STMND1: variants seen among roughly 807,000 people sequenced by gnomAD.
STMND1 encodes stathmin domain-containing protein 1.
In STMND1, 17 loss-of-function variants were observed where a neutral mutation model predicts 23.0. The observed-to-expected ratio is 0.74, with a 90% CI of 0.51 to 1.11. STMND1 has a LOEUF of 1.11. STMND1 is among the 50% of genes least tolerant of loss of function. The pLI, the probability that STMND1 is intolerant of heterozygous loss-of-function variation, is 0.00. For synonymous variants in STMND1, 114 were observed against 119.9 expected (o/e 0.95, Z 0.32); for missense variants, 305 against 329.1 (o/e 0.93, Z 0.57).
chr6:17,120,255 T>C (rs1761213914), intron 2 of STMND1, among the ~76,000 whole-genome samples: 1 of 152,200 alleles, frequency 6.6e-6, no homozygotes, highest in South Asian at 2.1e-4. Flanking sequence ...ATCTGATTCT[T>C]AGCTGTGGTT....
chr6:17,126,619 C>A (rs960408642), intron 3 of STMND1, among the ~76,000 whole-genome samples: 1 of 152,088 alleles, frequency 6.6e-6, no homozygotes, highest in Non-Finnish European at 1.5e-5. Context: ...GTTGAGCCAC[C>A]GTAGCAAGTA....
chr6:17,128,489 A>G (rs1761337604), intron 3 of STMND1: 1 of 152,084 alleles, frequency 6.6e-6, no homozygotes, highest in East Asian at 1.9e-4. Context: ...CCCATTCTCC[A>G]CTGCTTTTCA....
intron 4 of STMND1, among the ~76,000 whole-genome samples, chr6:17,129,768 C>T (rs55933828): frequency 0.23 from 34,299 of 151,324 alleles, 4,256 homozygotes; most frequent in Middle Eastern, 0.32. Context: ...GGCGTGAACC[C>T]GGGAGGCAGA....
intron 3 of STMND1, among the ~76,000 whole-genome samples, chr6:17,122,326 C>T (rs547893952): frequency 6.2e-4 from 83 of 134,276 alleles, no homozygotes; most frequent in African/African-American, 2.1e-3. Flanking sequence ...AGAGAGAAAG[C>T]GAAAAAAAAA....
chr6:17,116,699 C>T (rs893692806), intron 2 of STMND1, among the ~76,000 whole-genome samples: 33 of 152,240 alleles, frequency 2.2e-4, no homozygotes, highest in African/African-American at 5.8e-4. Flanking sequence ...CTCAGCCTCC[C>T]AAAGTGTTGA....
At chr6:17,122,209 G>A (rs1489262963) in intron 3 of STMND1, among the ~76,000 whole-genome samples, 1 of 152,052 alleles carries the variant, frequency 6.6e-6, no homozygotes, top group Non-Finnish European at 1.5e-5. Context: ...GAAGAAGATA[G>A]CAGACTTAGG....
rs545515329 is a variant in STMND1, at chr6:17,114,546, G to A, written c.82-416G>A. 1.2e-4 allele frequency among the ~76,000 whole-genome samples: 19 copies of A among 152,346 alleles called. No homozygotes were observed. In the South Asian group the frequency reaches 2.5e-3, roughly 20 times the overall value. On this transcript the variant is annotated intron_variant, in intron 1 of 4. Transcript: ENST00000536551. ...CTCCCAAAGTGCTGGGATTACAGGC[G>A]TGAGCCACTGCGCCCGGCCACATTA...
At chr6:17,128,947 A>AG in intron 3 of STMND1, 165 bp from the exon 4 acceptor site, 1 of 550,626 alleles carries the variant, frequency 1.8e-6, no homozygotes, top group Admixed American at 3.5e-5. Flanking sequence ...TCCGGAGCTC[A>AG]AGCAGTCTTC....
At chr6:17,124,513 C>T (rs888798256) in intron 3 of STMND1, among the ~76,000 whole-genome samples, 2 of 152,178 alleles carry the variant, frequency 1.3e-5, no homozygotes, top group Non-Finnish European at 2.9e-5. Flanking sequence ...TCTTCCGAAT[C>T]GGGGGCATCC....
At chr6:17,102,369 A>G (rs2147230) in intron 1 of STMND1, 31 bp downstream of exon 1, 690,404 of 1,506,338 alleles carry the variant, frequency 0.46, 157,119 homozygotes, top group East Asian at 0.64. Context: ...CAAACAAACA[A>G]ACAGACAGAA....
At chr6:17,128,467 T>G (rs534364161) in intron 3 of STMND1, 1 of 152,396 alleles carries the variant, frequency 6.6e-6, no homozygotes, top group East Asian at 1.9e-4. Flanking sequence ...CACCTTAAAC[T>G]ACAAATTCAC....
chr6:17,115,372 T>TAAAAAAAAAAAA (rs75171969), intron 2 of STMND1, among the ~76,000 whole-genome samples: 1 of 116,096 alleles, frequency 8.6e-6, no homozygotes, highest in Non-Finnish European at 1.8e-5. Flanking sequence ...GGACCATCTT[T>TAAAAAAAAAAAA]AAAAAAAAAA....
intron 3 of STMND1, chr6:17,128,532 A>G (rs1381607201): frequency 1.3e-5 from 2 of 152,188 alleles, no homozygotes; most frequent in Non-Finnish European, 2.9e-5. Flanking sequence ...TTTTCCTTCT[A>G]AGGGTTCATC....
chr6:17,126,129 G>T (rs1581374482), intron 3 of STMND1, among the ~76,000 whole-genome samples: 2 of 125,962 alleles, frequency 1.6e-5, no homozygotes, highest in East Asian at 4.9e-4. Context: ...CATTGCCCAG[G>T]CTGGTCTTGA....
intron 1 of STMND1, among the ~76,000 whole-genome samples, chr6:17,108,696 C>CTTTTTTT (rs10653504): frequency 2.9e-5 from 4 of 138,746 alleles, no homozygotes; most frequent in Admixed American, 7.4e-5. Context: ...TTTTCTTTTT[C>CTTTTTTT]TTTTTTTTTT....
chr6:17,121,413 A>G (rs1473545069), intron 3 of STMND1, among the ~76,000 whole-genome samples: 1 of 152,086 alleles, frequency 6.6e-6, no homozygotes. Context: ...TCTTTTGACA[A>G]TTTTTCTTGA....
chr6:17,113,950 C>G (rs970164659), intron 1 of STMND1, among the ~76,000 whole-genome samples: 1 of 152,162 alleles, frequency 6.6e-6, no homozygotes, highest in Non-Finnish European at 1.5e-5. Flanking sequence ...TTTTCTACTG[C>G]TGCTATAGCC....
At chr6:17,116,978 G>A (rs942408915) in intron 2 of STMND1, among the ~76,000 whole-genome samples, 2 of 152,016 alleles carry the variant, frequency 1.3e-5, no homozygotes, top group Non-Finnish European at 2.9e-5. Context: ...ATGCCACTTC[G>A]CTTTCACATA....
intron 1 of STMND1, among the ~76,000 whole-genome samples, chr6:17,114,071 C>T (rs1464507566): frequency 6.6e-6 from 1 of 152,108 alleles, no homozygotes; most frequent in Non-Finnish European, 1.5e-5. Flanking sequence ...GGGATGGTTT[C>T]AGGATGACTC....
Sources: allele counts gnomAD v4.1 joint callset (sites outside exome capture counted in the v4.1 genomes callset), GRCh38; gene constraint gnomAD v4.1.1; transcripts MANE v1.5; gene names NCBI Gene and HGNC (gene_info 2026-07-23, HGNC 2026-07-21).